PATJ: variants seen among roughly 807,000 people sequenced by gnomAD.
PATJ encodes the protein inaD-like protein.
A neutral mutation model predicts 224.9 loss-of-function variants in PATJ; 190 were observed. That is an observed-to-expected ratio of 0.84 (90% CI 0.75 to 0.95). The LOEUF (loss-of-function observed/expected upper bound fraction) is 0.95, where lower values mean the gene tolerates loss of function less well. Ranked by LOEUF, PATJ falls within the 40% of genes least tolerant of loss-of-function variation. PATJ has a pLI of 0.00. For missense variants in PATJ, 2,121 were observed against 2,270.3 expected (o/e 0.93, Z 1.34); for synonymous variants, 769 against 820.3 (o/e 0.94, Z 1.07).
chr1:62,056,303 C>T (rs1654520242), intron 31 of PATJ, among the ~76,000 whole-genome samples: 1 of 152,182 alleles, frequency 6.6e-6, no homozygotes, highest in African/African-American at 2.4e-5. Context: ...AACTTATTCA[C>T]ATAACAATAG....
chr1:61,966,210 G>A (rs956689951), intron 27 of PATJ, among the ~76,000 whole-genome samples: 1 of 151,884 alleles, frequency 6.6e-6, no homozygotes, highest in African/African-American at 2.4e-5. Context: ...TATTATTTAT[G>A]TTGAAGTAGA....
intron 28 of PATJ, among the ~76,000 whole-genome samples, chr1:62,005,299 A>G (rs1646023326): frequency 6.6e-6 from 1 of 151,932 alleles, no homozygotes; most frequent in Non-Finnish European, 1.5e-5. Flanking sequence ...ACCTCAAGTG[A>G]TCCACCCACC....
chr1:61,991,750 G>A, intron 28 of PATJ: 1 of 984,246 alleles, frequency 1.0e-6, no homozygotes, highest in Non-Finnish European at 1.2e-6. Flanking sequence ...CATAAATAAA[G>A]TCAAAGATGA....
At chr1:61,940,904 C>G (rs1254133021) in intron 27 of PATJ, among the ~76,000 whole-genome samples, 1 of 152,004 alleles carries the variant, frequency 6.6e-6, no homozygotes. Context: ...CTCTGCTCAC[C>G]TTTGCATCTT....
intron 20 of PATJ, among the ~76,000 whole-genome samples, chr1:61,869,176 G>A (rs1449043442): frequency 6.4e-5 from 9 of 141,034 alleles, no homozygotes; most frequent in Non-Finnish European, 1.1e-4. Flanking sequence ...GCGCCATCTC[G>A]GCTCACTGCA....
chr1:61,838,748 T>G (rs866980520), intron 17 of PATJ, among the ~76,000 whole-genome samples: 42 of 152,004 alleles, frequency 2.8e-4, no homozygotes, highest in South Asian at 1.5e-3. Flanking sequence ...TTCTTGCCAG[T>G]TTGTAGGTGA....
At chr1:61,997,077 A>G (rs1311336784) in intron 28 of PATJ, among the ~76,000 whole-genome samples, 3 of 144,800 alleles carry the variant, frequency 2.1e-5, no homozygotes, top group Non-Finnish European at 3.1e-5. Context: ...GTGTAAAAAT[A>G]AATTGATCAA....
At chr1:62,154,300 T>C (rs1286352660) in intron 43 of PATJ, among the ~76,000 whole-genome samples, 1 of 152,180 alleles carries the variant, frequency 6.6e-6, no homozygotes, top group East Asian at 1.9e-4. Context: ...ACAGTTTTTT[T>C]TTCTTCTTTG....
chr1:61,912,173 A>G (rs1431340460), intron 25 of PATJ, among the ~76,000 whole-genome samples: 2 of 152,136 alleles, frequency 1.3e-5, no homozygotes, highest in Admixed American at 6.5e-5. Flanking sequence ...TTAATCACCT[A>G]TAAATATATT....
At chr1:61,901,093 A>C (rs930147672) in intron 23 of PATJ, among the ~76,000 whole-genome samples, 189 bp from the exon 24 acceptor site, 29 of 152,218 alleles carry the variant, frequency 1.9e-4, no homozygotes, top group Non-Finnish European at 2.9e-4. Context: ...CAGAACTAAA[A>C]CTTTCATTTG....
At chr1:61,841,600 C>CAT (rs1553176506) in intron 17 of PATJ, among the ~76,000 whole-genome samples, 5 of 142,238 alleles carry the variant, frequency 3.5e-5, no homozygotes, top group African/African-American at 5.2e-5. Context: ...TTTCTCTTGC[C>CAT]TTTTTTTTTT....
rs899512447 is a variant in PATJ at position 61,867,441 on chromosome 1, G to A, written c.2835+2808G>A. 5.9e-5 allele frequency among the ~76,000 whole-genome samples: 9 copies of A among 151,890 alleles called. No homozygotes were observed. The East Asian group carries it at 1.3e-3, about 23-fold the overall frequency. ...ATAAAAAGAAAATTTTCTGTTTACC[G>A]AAACAAAAGGCAACCTGAAATATCA... is the stretch of plus-strand genomic sequence containing the variant. On this transcript the variant is annotated intron_variant, in intron 20 of 43. Transcript: ENST00000642238.
At chr1:61,795,783 A>G (rs1362375477) in intron 10 of PATJ, among the ~76,000 whole-genome samples, 1 of 145,686 alleles carries the variant, frequency 6.9e-6, no homozygotes, top group East Asian at 1.9e-4. Context: ...TTGGTAAAAA[A>G]GTATATTTTT....
intron 10 of PATJ, among the ~76,000 whole-genome samples, chr1:61,796,999 T>C (rs1017924727): frequency 1.5e-4 from 23 of 152,220 alleles, no homozygotes; most frequent in Admixed American, 1.2e-3. Context: ...CCCGAGTAGC[T>C]GGGTCTGCAG....
chr1:62,027,472 T>C (rs1374255403), intron 29 of PATJ, among the ~76,000 whole-genome samples: 1 of 152,202 alleles, frequency 6.6e-6, no homozygotes, highest in Non-Finnish European at 1.5e-5. Context: ...TTCTTTTGGA[T>C]ATATACCACA....
chr1:61,788,798 C>T (rs998126143), intron 8 of PATJ, among the ~76,000 whole-genome samples: 4 of 152,100 alleles, frequency 2.6e-5, no homozygotes, highest in African/African-American at 9.7e-5. Flanking sequence ...CCTCAGCCTC[C>T]TGAGTAGCTG....
At chr1:61,942,281 G>C (rs1677933630) in intron 27 of PATJ, among the ~76,000 whole-genome samples, 3 of 152,048 alleles carry the variant, frequency 2.0e-5, no homozygotes, top group Admixed American at 6.6e-5. Flanking sequence ...AAGAAAAAAA[G>C]CATTTCTTTT....
At chr1:61,750,975 C>T (rs1645288961) in intron 1 of PATJ, among the ~76,000 whole-genome samples, 1 of 151,582 alleles carries the variant, frequency 6.6e-6, no homozygotes, top group Non-Finnish European at 1.5e-5. Flanking sequence ...TTCATAGTAT[C>T]CCTTTCCCTT....
Position 61,769,426 on chromosome 1 carries a change from A to G in PATJ, c.524+4A>G, listed in dbSNP as rs747688937. The G allele has an allele frequency of 6.2e-7, 1 of 1,607,612 alleles. No individual in the cohort carries two copies. Among genetic ancestry groups the G allele is most frequent in the Admixed American group, 1.7e-5 (1 of 57,930 alleles). On this transcript the variant is annotated splice_donor_region_variant and intron_variant, in intron 5 of 43. Coordinates refer to ENST00000642238, the MANE Select transcript of PATJ (RefSeq NM_001350145.3). ...AGCCAGGGAGTGTAGCAGACAGGTG[A>G]GGAAGCTGTTTATTTTCATTTTGCT... is the stretch of plus-strand genomic sequence containing the variant.
Sources: allele counts gnomAD v4.1 joint callset (sites outside exome capture counted in the v4.1 genomes callset), GRCh38; gene constraint gnomAD v4.1.1; transcripts MANE v1.5; gene names NCBI Gene and HGNC (gene_info 2026-07-23, HGNC 2026-07-21).